The following RAB8B variants were observed in gnomAD, a reference collection of about 807,000 sequenced individuals.
RAB8B encodes the protein ras-related protein Rab-8B.
In RAB8B, 11 loss-of-function variants were observed where a neutral mutation model predicts 32.0. The observed-to-expected ratio is 0.34, with a 90% CI of 0.22 to 0.57. The LOEUF is 0.57. RAB8B is among the 20% of genes least tolerant of loss of function. The probability of loss-of-function intolerance (pLI) is 0.86; values close to 1 mark genes in which losing one functional copy is unlikely to be tolerated. For synonymous variants in RAB8B, 103 were observed against 89.6 expected, an observed-to-expected ratio of 1.15 and a Z score of -0.85; for missense variants, 190 against 258.5, an observed-to-expected ratio of 0.73 and a Z score of 1.82.
chr15:63,258,511 A>G (rs2038176347), intron 5 of RAB8B, among the ~76,000 whole-genome samples: 1 of 152,242 alleles, frequency 6.6e-6, no homozygotes, highest in African/African-American at 2.4e-5. Context: ...CTTGACTACA[A>G]GTCAGCCAGA....
At chr15:63,190,175 A>G in intron 1 of RAB8B, among the ~76,000 whole-genome samples, 1 of 130,722 alleles carries the variant, frequency 7.6e-6, no homozygotes, top group Non-Finnish European at 1.6e-5. Flanking sequence ...GGGGGAAATG[A>G]GGGATGGGGG....
intron 1 of RAB8B, among the ~76,000 whole-genome samples, chr15:63,209,310 G>A (rs1028611725): frequency 8.5e-5 from 13 of 152,076 alleles, no homozygotes; most frequent in African/African-American, 3.1e-4. Context: ...CTTTGATGAG[G>A]CTGGGTGCAG....
intron 1 of RAB8B, chr15:63,223,099 T>C (rs1454817616): frequency 8.9e-6 from 4 of 450,076 alleles, no homozygotes; most frequent in Non-Finnish European, 1.3e-5. Context: ...AGGTATACCA[T>C]TTTTATTTTA....
At chr15:63,212,103 G>T (rs2037752660) in intron 1 of RAB8B, among the ~76,000 whole-genome samples, 1 of 152,132 alleles carries the variant, frequency 6.6e-6, no homozygotes, top group Non-Finnish European at 1.5e-5. Flanking sequence ...AAAGCGCTGG[G>T]ATTACAGTCA....
rs935689644 is a variant in RAB8B at position 63,248,498 on chromosome 15, C to T, written c.186-1147C>T. On this transcript the variant is annotated intron_variant, in intron 2 of 7. Transcript: ENST00000321437. This position sits in a 1 kb window ranked among gnomAD's most constrained non-coding sequence, Gnocchi z 4.4. The stretch of plus-strand genomic sequence containing the variant: ...CTGGACCCCAGCCTGGGTGACAGAG[C>T]GAGACTCCATCTCAAAAACAAACAA... Among the ~76,000 whole-genome samples, 1 of 152,030 alleles carries T rather than the reference C, an allele frequency of 6.6e-6. No homozygotes were observed. The highest frequency in any genetic ancestry group is 1.5e-5 in the Non-Finnish European group (1 of 68,014).
intron 4 of RAB8B, 147 bp from the exon 5 acceptor site, chr15:63,256,358 A>G (rs568266439): frequency 2.8e-5 from 16 of 567,214 alleles, no homozygotes; most frequent in Non-Finnish European, 4.8e-5. Context: ...CCCTCTTCCC[A>G]TCTTTAAACT....
At position 63,253,764 on chromosome 15, in the gene RAB8B, T is replaced by C. The variant is rs1024154271; in HGVS notation, c.247-1743T>C. On this transcript the variant is annotated intron_variant, in intron 3 of 7. Coordinates refer to ENST00000321437, the MANE Select transcript of RAB8B (RefSeq NM_016530.3). ...TTGTGAGAATCTGAATAAGGCCATG[T>C]GTGTGGTAGGTAAGATTCTGGAATA... Among the ~76,000 whole-genome samples, 3 of 152,280 alleles carry C rather than the reference T, an allele frequency of 2.0e-5. No homozygotes were observed. The South Asian group carries it at 6.2e-4, about 32-fold the overall frequency.
intron 1 of RAB8B, among the ~76,000 whole-genome samples, chr15:63,226,622 T>G (rs1404125756): frequency 6.6e-6 from 1 of 152,196 alleles, no homozygotes; most frequent in African/African-American, 2.4e-5. Context: ...TCTTCACACT[T>G]CTCATTCTGC....
chr15:63,260,695 A>G (rs2038196348), intron 6 of RAB8B, among the ~76,000 whole-genome samples: 1 of 146,728 alleles, frequency 6.8e-6, no homozygotes, highest in African/African-American at 2.7e-5. Context: ...AAAAAAAAAT[A>G]ATAGGTTTTC....
chr15:63,260,441 A>G (rs1235845089), intron 6 of RAB8B, among the ~76,000 whole-genome samples: 2 of 152,238 alleles, frequency 1.3e-5, no homozygotes, highest in Admixed American at 6.5e-5. Context: ...ATTAAGCACA[A>G]TAAATTGTAA....
chr15:63,216,752 T>C (rs954199829), intron 1 of RAB8B, among the ~76,000 whole-genome samples: 1 of 150,642 alleles, frequency 6.6e-6, no homozygotes, highest in Non-Finnish European at 1.5e-5. Flanking sequence ...CCCAGCTCTT[T>C]GGGAGGCTGA....
intron 1 of RAB8B, among the ~76,000 whole-genome samples, chr15:63,235,382 G>A (rs894113182): frequency 1.3e-5 from 2 of 152,120 alleles, no homozygotes; most frequent in South Asian, 2.1e-4. Flanking sequence ...TTTTACTGCC[G>A]TTAATGAACA....
intron 1 of RAB8B, among the ~76,000 whole-genome samples, chr15:63,242,227 G>A (rs1386682609): frequency 6.6e-6 from 1 of 151,718 alleles, no homozygotes; most frequent in Non-Finnish European, 1.5e-5. Context: ...AGGCTCCGTG[G>A]GGGAAAAGTA....
intron 3 of RAB8B, among the ~76,000 whole-genome samples, chr15:63,251,645 G>A (rs889260588): frequency 1.2e-4 from 19 of 152,172 alleles, no homozygotes; most frequent in African/African-American, 4.1e-4. Flanking sequence ...ATTCTAAATA[G>A]TATTACCTTC....
chr15:63,203,103 T>C (rs1428760792), intron 1 of RAB8B, among the ~76,000 whole-genome samples: 1 of 152,250 alleles, frequency 6.6e-6, no homozygotes, highest in Non-Finnish European at 1.5e-5. Flanking sequence ...TGTGGGACTA[T>C]GGAAGACATT....
At chr15:63,242,170 G>T (rs1309013222) in intron 1 of RAB8B, among the ~76,000 whole-genome samples, 2 of 151,686 alleles carry the variant, frequency 1.3e-5, no homozygotes, top group Non-Finnish European at 2.9e-5. Context: ...TGCTAAATTA[G>T]CTTGGGTGTG....
At chr15:63,255,034 C>G (rs1334103911) in intron 3 of RAB8B, among the ~76,000 whole-genome samples, 1 of 152,190 alleles carries the variant, frequency 6.6e-6, no homozygotes, top group Non-Finnish European at 1.5e-5. Flanking sequence ...TAGTGACAAC[C>G]TATTTTTTGA....
At chr15:63,202,108 A>G (rs1389446250) in intron 1 of RAB8B, among the ~76,000 whole-genome samples, 6 of 114,094 alleles carry the variant, frequency 5.3e-5, no homozygotes, top group Non-Finnish European at 9.6e-5. Flanking sequence ...AAAAAAAAAA[A>G]AAAAAAAAAA....
At chr15:63,194,827 T>C (rs2037587243) in intron 1 of RAB8B, among the ~76,000 whole-genome samples, 1 of 152,232 alleles carries the variant, frequency 6.6e-6, no homozygotes. Flanking sequence ...TTAAAGGTTA[T>C]TAAAAAATAA....
Sources: allele counts gnomAD v4.1 joint callset (sites outside exome capture counted in the v4.1 genomes callset), GRCh38; gene constraint gnomAD v4.1.1; non-coding constraint Gnocchi (gnomAD v3.1); transcripts MANE v1.5; gene names NCBI Gene and HGNC (gene_info 2026-07-23, HGNC 2026-07-21).